KCNN2: variants seen among roughly 807,000 people sequenced by gnomAD.
KCNN2 encodes the protein potassium calcium-activated channel subfamily N member 2, also known as small conductance calcium-activated potassium channel protein 2.
Under a neutral mutation model 55.5 loss-of-function variants are expected in KCNN2, and 24 were observed. The observed-to-expected ratio is 0.43, with a 90% CI of 0.31 to 0.61. The LOEUF is 0.61. Ranked by LOEUF, KCNN2 falls within the 20% of genes least tolerant of loss-of-function variation. The pLI is 0.08. For synonymous variants in KCNN2, 431 were observed against 336.1 expected, an observed-to-expected ratio of 1.28 and a Z score of -3.09; for missense variants, 754 against 853.6, an observed-to-expected ratio of 0.88 and a Z score of 1.45.
rs187956400 is a variant in KCNN2, at chr5:114,220,252, T to C, written c.-270-1228T>C. Among the ~76,000 whole-genome samples, 6 of 152,252 alleles carry C rather than the reference T, an allele frequency of 3.9e-5. No individual in the cohort carries two copies. The East Asian group carries it at 1.2e-3, about 29-fold the overall frequency. ...TTTCAAACTTCTAATTAAAATGGTA[T>C]TGCCAATTGATATATTAATAAACAC... On this transcript the variant is annotated intron_variant, in intron 1 of 10. Transcript: ENST00000512097.
intron 2 of KCNN2, among the ~76,000 whole-genome samples, chr5:114,251,913 C>G (rs1476752049): frequency 7.1e-6 from 1 of 141,182 alleles, no homozygotes; most frequent in African/African-American, 2.6e-5. Flanking sequence ...GGATCTCGCT[C>G]TGTCGCCCAG....
At chr5:114,343,765 A>G (rs1342659730) in intron 2 of KCNN2, among the ~76,000 whole-genome samples, 1 of 152,088 alleles carries the variant, frequency 6.6e-6, no homozygotes, top group East Asian at 1.9e-4. Flanking sequence ...AATCCTAAAG[A>G]CAACAGTGAA....
intron 1 of KCNN2, among the ~76,000 whole-genome samples, chr5:114,127,258 C>A (rs866552366): frequency 4.6e-5 from 7 of 152,178 alleles, no homozygotes; most frequent in African/African-American, 1.7e-4. Context: ...TTTCCTTCTG[C>A]ACTGCCCTGG....
chr5:114,217,809 A>C (rs1373912181), intron 1 of KCNN2, among the ~76,000 whole-genome samples: 1 of 152,158 alleles, frequency 6.6e-6, no homozygotes, highest in Non-Finnish European at 1.5e-5. Context: ...AAAAGAAGAA[A>C]AAGAGAAGCC....
chr5:114,206,614 G>C (rs1753781719), intron 1 of KCNN2, among the ~76,000 whole-genome samples: 1 of 151,784 alleles, frequency 6.6e-6, no homozygotes, highest in Admixed American at 6.6e-5. Flanking sequence ...CAGACCCTCA[G>C]AATAGCTCAC....
intron 3 of KCNN2, among the ~76,000 whole-genome samples, chr5:114,407,540 CTTTTG>C (rs1267212045): frequency 6.6e-6 from 1 of 151,716 alleles, no homozygotes. Flanking sequence ...ATGCATTTTT[CTTTTG>C]TTTTGGCTTC....
At chr5:114,170,196 C>A (rs1193910625) in intron 1 of KCNN2, among the ~76,000 whole-genome samples, 1 of 152,050 alleles carries the variant, frequency 6.6e-6, no homozygotes. Flanking sequence ...ACTCCGAAAG[C>A]ATCATTTTTG....
chr5:114,069,319 C>G (rs1474310232), intron 1 of KCNN2, among the ~76,000 whole-genome samples: 1 of 151,420 alleles, frequency 6.6e-6, no homozygotes, highest in East Asian at 2.0e-4. Context: ...CACTACCACC[C>G]TCCATCAGAA....
chr5:114,077,494 C>T (rs1031964244), intron 1 of KCNN2, among the ~76,000 whole-genome samples: 4 of 152,194 alleles, frequency 2.6e-5, no homozygotes, highest in Non-Finnish European at 5.9e-5. Context: ...TGCTCACATA[C>T]TAGTTTCAAA....
At chr5:114,150,083 G>T (rs1419437138) in intron 1 of KCNN2, among the ~76,000 whole-genome samples, 1 of 152,182 alleles carries the variant, frequency 6.6e-6, no homozygotes, top group Non-Finnish European at 1.5e-5. Flanking sequence ...TCTGCAGGGG[G>T]AAGCACATCA....
chr5:114,370,536 C>T (rs1299230726), intron 2 of KCNN2, among the ~76,000 whole-genome samples: 3 of 151,978 alleles, frequency 2.0e-5, no homozygotes, highest in Non-Finnish European at 2.9e-5. Flanking sequence ...TGGGAGGCAA[C>T]AGTTGCATAC....
intron 3 of KCNN2, among the ~76,000 whole-genome samples, chr5:114,437,996 T>G (rs1760067208): frequency 6.6e-6 from 1 of 152,176 alleles, no homozygotes. Context: ...TTGTGACCAG[T>G]TAAAACACAA....
chr5:114,334,260 ATGTGTGTGTGTGTGTGTGTG>A (rs56654295), intron 2 of KCNN2, among the ~76,000 whole-genome samples: 42 of 138,302 alleles, frequency 3.0e-4, no homozygotes, highest in East Asian at 9.1e-4. Flanking sequence ...CATATGCCTG[ATGTGTGTGTGTGTGTGTGTG>A]TGTGTGTGTG....
At chr5:114,111,732 T>C (rs145774784) in intron 1 of KCNN2, among the ~76,000 whole-genome samples, 4,281 of 152,104 alleles carry the variant, frequency 0.028, 99 homozygotes, top group Middle Eastern at 0.11. Flanking sequence ...AAAAAATGCT[T>C]ATCATCACTG....
At chr5:114,125,375 G>A (rs565300049) in intron 1 of KCNN2, among the ~76,000 whole-genome samples, 2 of 152,236 alleles carry the variant, frequency 1.3e-5, no homozygotes, top group East Asian at 3.9e-4. Context: ...ATATCCTGTT[G>A]CATTAGTATT....
chr5:114,496,159 C>G lies in KCNN2; in HGVS notation c.2353C>G (p.Pro785Ala). The G allele has an allele frequency of 6.2e-7, 1 of 1,613,964 alleles. No individual in the cohort carries two copies. Among genetic ancestry groups the G allele is most frequent in the Non-Finnish European group, 8.5e-7 (1 of 1,179,944 alleles). ...GCGGCGGTCCTCTTCCACAGCACCA[C>G]CAACTTCATCAGAGAGTAGCTAGAA... ...RRRRSSSTAP[P>A]TSSESS The change falls in exon 8 of 8, where the codon CCA (proline) becomes GCA (alanine). Residue 785 changes from proline (P) to alanine (A), a missense_variant. Physicochemically the swap from Pro to Ala is conservative, Grantham distance 27. Coordinates refer to ENST00000673685, the MANE Select transcript of KCNN2 (RefSeq NM_021614.4).
chr5:114,349,345 CA>C (rs1242680713), intron 2 of KCNN2, among the ~76,000 whole-genome samples: 1 of 151,906 alleles, frequency 6.6e-6, no homozygotes, highest in African/African-American at 2.4e-5. Flanking sequence ...TTTTGAGCAC[CA>C]ACATGACACC....
chr5:114,180,727 C>A (rs12187531), intron 1 of KCNN2, among the ~76,000 whole-genome samples: 15,992 of 152,106 alleles, frequency 0.11, 1,038 homozygotes, highest in Middle Eastern at 0.23. Flanking sequence ...ACCACCCAAA[C>A]CCCTAATACA....
Position 114,496,124 on chromosome 5 carries a change from C to G in KCNN2, c.2318C>G (p.Ser773Trp). The change falls in exon 8 of 8, where the codon TCG becomes TGG. Residue 773 changes from serine (S) to tryptophan (W), a missense_variant. Transcript: ENST00000673685. ...TACAATGCTGAGCGGTCCCGGTCCTCGTCCAGGAGGCGGCGGTCCTCTTCC... is the reference window on the plus strand; with the variant it reads ...TACAATGCTGAGCGGTCCCGGTCCTGGTCCAGGAGGCGGCGGTCCTCTTCC... Reference protein sequence around the residue: ...VTYNAERSRSSSRRRRSSSTA... With the variant: ...VTYNAERSRSWSRRRRSSSTA... 6.2e-7 allele frequency: 1 copy of G among 1,614,000 alleles called. No individual in the cohort carries two copies. The highest frequency in any genetic ancestry group is 8.5e-7 in the Non-Finnish European group (1 of 1,179,968).
Sources: gnomAD v4.1 joint callset for allele counts (sites outside exome capture counted in the v4.1 genomes callset) on GRCh38, gnomAD v4.1.1 for gene constraint, MANE v1.5 for transcripts, NCBI Gene and HGNC (gene_info 2026-07-23, HGNC 2026-07-21) for gene names.